The following MCF2L variants were observed in gnomAD, a reference collection of about 807,000 sequenced individuals.
MCF2L encodes the protein MCF.2 cell line derived transforming sequence like, also known as guanine nucleotide exchange factor DBS.
A neutral mutation model predicts 153.4 loss-of-function variants in MCF2L; 97 were observed. The observed-to-expected ratio is 0.63, with a 90% confidence interval of 0.54 to 0.75. The LOEUF (loss-of-function observed/expected upper bound fraction) is 0.75. Ranked by LOEUF, MCF2L falls within the 30% of genes least tolerant of loss-of-function variation. The pLI is 0.00. For missense variants in MCF2L, 1,347 were observed against 1,495.2 expected, an observed-to-expected ratio of 0.90 and a Z score of 1.64; for synonymous variants, 659 against 632.2, an observed-to-expected ratio of 1.04 and a Z score of -0.64.
At chr13:113,008,243 T>G (rs1257229651) in intron 1 of MCF2L, among the ~76,000 whole-genome samples, 4 of 152,342 alleles carry the variant, frequency 2.6e-5, no homozygotes, top group African/African-American at 9.6e-5. Context: ...TTTGGCAGTG[T>G]GAAGAATTTA....
chr13:112,918,456 C>G (rs562292076), intron 2 of MCF2L, among the ~76,000 whole-genome samples: 143 of 152,316 alleles, frequency 9.4e-4, no homozygotes, highest in Non-Finnish European at 1.8e-3. Flanking sequence ...TGAGGGTGTG[C>G]AGGCCCTTGT....
At chr13:112,924,944 T>C (rs1486615139) in intron 2 of MCF2L, among the ~76,000 whole-genome samples, 3 of 152,162 alleles carry the variant, frequency 2.0e-5, no homozygotes, top group Non-Finnish European at 4.4e-5. Flanking sequence ...GGAAGATCCA[T>C]GTAGCTCAAG....
intron 24 of MCF2L, 68 bp downstream of exon 24, chr13:113,088,473 A>C: frequency 6.2e-7 from 1 of 1,607,438 alleles, no homozygotes; most frequent in South Asian, 1.1e-5. Flanking sequence ...CTATGTTCAG[A>C]GCAACCGCAC....
chr13:113,013,770 G>A (rs192488361), intron 1 of MCF2L, among the ~76,000 whole-genome samples: 8 of 152,334 alleles, frequency 5.3e-5, no homozygotes, highest in African/African-American at 7.2e-5. Context: ...TGATGAGAGC[G>A]TTGGCCAGAA....
chr13:113,045,486 G>A lies in MCF2L; in HGVS notation c.369+125G>A, dbSNP rs186092562. The A allele has an allele frequency of 1.1e-4, 92 of 844,418 alleles. 1 individual carries two copies. In the African/African-American group the frequency reaches 1.2e-3, roughly 11 times the overall value. 52.3% of individuals were successfully genotyped at this position (844,418 alleles called of 1,614,324 possible). On this transcript the variant is annotated intron_variant, in intron 4 of 29. Transcript: ENST00000535094. This position sits in a 1 kb window ranked among gnomAD's most constrained non-coding sequence, Gnocchi z 4.2. ...GCTGAGTGGGACAGAGCCCAGTCCC[G>A]GCGGGTGGAGGCCGGCGCCAAGGCC...
intron 1 of MCF2L, among the ~76,000 whole-genome samples, chr13:113,013,125 C>A (rs1267495111): frequency 6.6e-6 from 1 of 152,208 alleles, no homozygotes; most frequent in African/African-American, 2.4e-5. Flanking sequence ...GAACATCCAA[C>A]TGCGCAGTCT....
chr13:113,077,323 C>T, intron 13 of MCF2L, 112 bp downstream of exon 13: 1 of 1,241,044 alleles, frequency 8.1e-7, no homozygotes, highest in Non-Finnish European at 1.1e-6. Context: ...CTCCACACGC[C>T]TCCTCCCCTT....
In MCF2L at chr13:113,013,966, A is replaced by G. The variant is rs74115735; in HGVS notation, c.80-797A>G. Among the ~76,000 whole-genome samples the G allele has an allele frequency of 3.8e-3, 568 of 149,304 alleles. 5 individuals carry two copies. Among genetic ancestry groups the G allele is most frequent in the African/African-American group, 0.014 (537 of 39,420 alleles). ...GGTGCTGACCCCATGCTCCGAGCTGATGCTGGCCTAGTGCTCCCAGCTGGT... is the reference window on the plus strand; with the variant it reads ...GGTGCTGACCCCATGCTCCGAGCTGGTGCTGGCCTAGTGCTCCCAGCTGGT... On this transcript the variant is annotated intron_variant, in intron 1 of 29. Coordinates refer to ENST00000535094, the MANE Select transcript of MCF2L (RefSeq NM_001112732.3).
intron 2 of MCF2L, among the ~76,000 whole-genome samples, chr13:112,908,712 A>C (rs1594306213): frequency 7.6e-6 from 1 of 130,960 alleles, no homozygotes. Context: ...CACCAGGCTC[A>C]TGTTTTTTGT....
chr13:113,010,244 C>T (rs1334689755), intron 1 of MCF2L: 2 of 152,058 alleles, frequency 1.3e-5, no homozygotes, highest in Non-Finnish European at 2.9e-5. Context: ...GTCTTGGCCG[C>T]CCTCCCACCC....
chr13:112,973,623 C>G (rs1228903578), intron 1 of MCF2L, among the ~76,000 whole-genome samples: 1 of 152,236 alleles, frequency 6.6e-6, no homozygotes, highest in Non-Finnish European at 1.5e-5. Context: ...GTGAGTCTGA[C>G]GCCCTCCATG....
At chr13:113,021,172 G>A (rs931457474) in intron 2 of MCF2L, among the ~76,000 whole-genome samples, 9 of 152,114 alleles carry the variant, frequency 5.9e-5, no homozygotes, top group African/African-American at 1.7e-4. Context: ...GTGTCTAGCT[G>A]TATGTGCAGC....
intron 1 of MCF2L, among the ~76,000 whole-genome samples, chr13:112,986,820 G>T (rs889519281): frequency 2.0e-5 from 3 of 152,252 alleles, no homozygotes; most frequent in Non-Finnish European, 2.9e-5. Context: ...GACCGTGGGG[G>T]CTCCCCCAAC....
At chr13:112,988,002 A>C (rs2082719276) in intron 1 of MCF2L, among the ~76,000 whole-genome samples, 1 of 152,212 alleles carries the variant, frequency 6.6e-6, no homozygotes, top group Admixed American at 6.5e-5. Context: ...GGGCATCAGA[A>C]GATTGCTCTG....
chr13:112,899,921 C>T (rs1390078525), intron 1 of MCF2L, among the ~76,000 whole-genome samples: 2 of 152,176 alleles, frequency 1.3e-5, no homozygotes, highest in African/African-American at 4.8e-5. Flanking sequence ...AGGGTCTTGC[C>T]TCATAGTGGA....
chr13:112,962,437 C>T (rs1435570168), intron 2 of MCF2L, among the ~76,000 whole-genome samples: 2 of 152,188 alleles, frequency 1.3e-5, no homozygotes, highest in Admixed American at 1.3e-4. Flanking sequence ...TGTGTGGTGT[C>T]GGCTGGGCCT....
intron 2 of MCF2L, among the ~76,000 whole-genome samples, chr13:112,945,521 T>A (rs1453070239): frequency 6.6e-6 from 1 of 152,264 alleles, no homozygotes; most frequent in Non-Finnish European, 1.5e-5. Context: ...ATCTTTGGGA[T>A]CTTTTTTTAT....
chr13:113,011,534 T>C (rs9549634), intron 1 of MCF2L, among the ~76,000 whole-genome samples: 41,672 of 132,492 alleles, frequency 0.31, 6,415 homozygotes, highest in Middle Eastern at 0.54. Context: ...GGGTGGATGG[T>C]GGACACTGCG....
chr13:113,034,060 C>T (rs1160960326), intron 3 of MCF2L: 1 of 166,862 alleles, frequency 6.0e-6, no homozygotes, highest in East Asian at 1.9e-4. Flanking sequence ...AGCTACTGAC[C>T]ACCTGTGGCC....
Sources: allele counts gnomAD v4.1 joint callset (sites outside exome capture counted in the v4.1 genomes callset), GRCh38; gene constraint gnomAD v4.1.1; non-coding constraint Gnocchi (gnomAD v3.1); transcripts MANE v1.5; gene names NCBI Gene and HGNC (gene_info 2026-07-23, HGNC 2026-07-21).